TEX9: variants seen among roughly 807,000 people sequenced by gnomAD.
TEX9 encodes the protein testis-expressed protein 9.
In TEX9, 74 loss-of-function variants were observed where a neutral mutation model predicts 59.6. The ratio of observed to expected loss-of-function variants is 1.24; its 90% CI spans 1.03 to 1.51. The LOEUF is 1.51. Among genes scored for constraint, TEX9 ranks in the 40% most tolerant of loss-of-function variants. The pLI, the probability that TEX9 is intolerant of heterozygous loss-of-function variation, is 0.00. For missense variants in TEX9, 522 were observed against 447.8 expected (o/e 1.17, Z -1.49); for synonymous variants, 186 against 152.2 (o/e 1.22, Z -1.64).
At chr15:56,345,909 G>A (rs1414272371) in intron 1 of TEX9, among the ~76,000 whole-genome samples, 1 of 152,118 alleles carries the variant, frequency 6.6e-6, no homozygotes, top group Non-Finnish European at 1.5e-5. Context: ...CTGGATTCTG[G>A]GCCCCATCCT....
chr15:56,266,972 T>G (rs1306120125), intron 1 of TEX9, among the ~76,000 whole-genome samples: 1 of 152,152 alleles, frequency 6.6e-6, no homozygotes, highest in African/African-American at 2.4e-5. Context: ...TTTCTCCACA[T>G]CCTCTCCAGC....
chr15:56,373,334 T>G, intron 2 of TEX9, 107 bp from the exon 3 acceptor site: 1 of 944,898 alleles, frequency 1.1e-6, no homozygotes, highest in Non-Finnish European at 1.6e-6. Context: ...GCCATATGTA[T>G]ATTTTGGCAT....
At chr15:56,247,872 G>C (rs771107423) in intron 1 of TEX9, among the ~76,000 whole-genome samples, 2 of 152,066 alleles carry the variant, frequency 1.3e-5, no homozygotes, top group Non-Finnish European at 2.9e-5. Flanking sequence ...CTTTTCCCCT[G>C]ATCATTACTT....
chr15:56,245,259 C>CT (rs2043820924), intron 1 of TEX9, among the ~76,000 whole-genome samples: 1 of 152,184 alleles, frequency 6.6e-6, no homozygotes, highest in Admixed American at 6.5e-5. Flanking sequence ...GGCCCACAGA[C>CT]TTAAGGCCCA....
chr15:56,297,339 T>C (rs1322096558), intron 1 of TEX9, among the ~76,000 whole-genome samples: 1 of 152,190 alleles, frequency 6.6e-6, no homozygotes, highest in East Asian at 1.9e-4. Flanking sequence ...AAACAAATGC[T>C]CTTTTGTGTC....
chr15:56,250,072 TG>T (rs772235597), intron 1 of TEX9, among the ~76,000 whole-genome samples: 1 of 152,170 alleles, frequency 6.6e-6, no homozygotes, highest in Non-Finnish European at 1.5e-5. Flanking sequence ...GAACTGAGAT[TG>T]GATTTCCTTC....
chr15:56,298,238 T>A (rs2045262413), intron 1 of TEX9, among the ~76,000 whole-genome samples: 3 of 152,248 alleles, frequency 2.0e-5, no homozygotes. Context: ...AGTTTCTTGA[T>A]ATTAACAAGG....
intron 1 of TEX9, among the ~76,000 whole-genome samples, chr15:56,288,528 G>C (rs557924536): frequency 6.6e-6 from 1 of 152,160 alleles, no homozygotes; most frequent in African/African-American, 2.4e-5. Flanking sequence ...TTGGTTGGGA[G>C]TTTTTTCCCT....
chr15:56,435,442 AAATG>A (rs1273365829), intron 12 of TEX9, among the ~76,000 whole-genome samples: 3 of 152,064 alleles, frequency 2.0e-5, no homozygotes, highest in African/African-American at 7.2e-5. Context: ...TAGAAAAAAA[AAATG>A]AATGAATAAA....
rs965377277 is a variant in TEX9 at position 56,266,634 on chromosome 15, T to C, written c.-107+22356T>C. Among the ~76,000 whole-genome samples, 7 of 152,316 alleles carry C rather than the reference T, an allele frequency of 4.6e-5. 1 individual carries two copies. In the South Asian group the frequency reaches 6.2e-4, roughly 14 times the overall value. On this transcript the variant is annotated intron_variant, in intron 1 of 5. Transcript: ENST00000560827. ...GAATGATGGTTTCCAGCTTCATCCATGTCGCTACAAAGGACATGAAGTCAT... is the reference window on the plus strand; with the variant it reads ...GAATGATGGTTTCCAGCTTCATCCACGTCGCTACAAAGGACATGAAGTCAT...
At chr15:56,409,343 A>T (rs1268046838) in intron 9 of TEX9, among the ~76,000 whole-genome samples, 1 of 152,158 alleles carries the variant, frequency 6.6e-6, no homozygotes, top group Non-Finnish European at 1.5e-5. Context: ...TGTCCTGCCC[A>T]CTTCTCTTAT....
At chr15:56,311,800 C>T (rs1834999410) in intron 1 of TEX9, among the ~76,000 whole-genome samples, 1 of 147,814 alleles carries the variant, frequency 6.8e-6, no homozygotes, top group African/African-American at 2.5e-5. Flanking sequence ...TCCTCTCCAG[C>T]ACCTGTTGTT....
At chr15:56,345,077 G>GTA (rs201729715) in intron 1 of TEX9, among the ~76,000 whole-genome samples, 4,493 of 113,702 alleles carry the variant, frequency 0.04, 194 homozygotes, top group African/African-American at 0.1. Context: ...ATATATATAT[G>GTA]TATATATATA....
chr15:56,247,868 C>T (rs983692528), intron 1 of TEX9, among the ~76,000 whole-genome samples: 3 of 152,160 alleles, frequency 2.0e-5, no homozygotes, highest in Non-Finnish European at 4.4e-5. Context: ...TCCTCTTTTC[C>T]CCTGATCATT....
rs544529141 is a variant in TEX9, at chr15:56,274,456, T to C, written c.-107+30178T>C. On this transcript the variant is annotated intron_variant, in intron 1 of 5. Coordinates refer to the TEX9 transcript ENST00000560827. The stretch of plus-strand genomic sequence containing the variant: ...TGTAATGTCTACATTATCTCTTGAA[T>C]CTTGTTCTTTTGGTTGCATTGTTTT... 2.0e-5 allele frequency: 3 copies of C among 152,308 alleles called. No individual in the cohort carries two copies. In the East Asian group the frequency reaches 5.8e-4, roughly 29 times the overall value. The allele number at this position is 152,308 out of a possible 1,614,324, so 9.4% of individuals were successfully genotyped here. A position where few individuals can be genotyped will look rare whatever the true frequency, so the allele number is the denominator to read the frequency against.
chr15:56,380,807 G>T (rs1192613053), intron 3 of TEX9, among the ~76,000 whole-genome samples: 1 of 152,082 alleles, frequency 6.6e-6, no homozygotes, highest in African/African-American at 2.4e-5. Flanking sequence ...GAGCTTCTTT[G>T]TATGTTGTTT....
intron 2 of TEX9, among the ~76,000 whole-genome samples, chr15:56,372,330 C>A (rs1049439840): frequency 6.7e-6 from 1 of 149,886 alleles, no homozygotes; most frequent in African/African-American, 2.4e-5. Flanking sequence ...CTTTTTTTTT[C>A]CCTGGGGGTG....
In TEX9 at chr15:56,414,641, C is replaced by A. The variant is rs551832427; in HGVS notation, c.963+2205C>A. ...ACCAAATTTTCTTTATCCATTCTGT[C>A]ATTGATGGGCATTTAGTTGATTCCA... On this transcript the variant is annotated intron_variant, in intron 10 of 12. Transcript: ENST00000352903. Among the ~76,000 whole-genome samples, 20 of 151,906 alleles carry A rather than the reference C, an allele frequency of 1.3e-4. No individual in the cohort carries two copies. The South Asian group carries it at 3.9e-3, about 30-fold the overall frequency.
chr15:56,390,212 T>C (rs1254639542), intron 6 of TEX9, among the ~76,000 whole-genome samples: 1 of 152,000 alleles, frequency 6.6e-6, no homozygotes, highest in Non-Finnish European at 1.5e-5. Flanking sequence ...AAGGGTTATC[T>C]TTTCAGACTT....
Sources: allele counts gnomAD v4.1 joint callset (sites outside exome capture counted in the v4.1 genomes callset), GRCh38; gene constraint gnomAD v4.1.1; transcripts MANE v1.5; gene names NCBI Gene and HGNC (gene_info 2026-07-23, HGNC 2026-07-21).